The following MAF variants were observed in gnomAD, a reference collection of about 807,000 sequenced individuals.
MAF encodes the protein transcription factor Maf.
MAF carries 10 observed loss-of-function variants against 22.0 expected under a neutral mutation model. The ratio of observed to expected loss-of-function variants is 0.45; its 90% CI spans 0.28 to 0.77. MAF has a LOEUF of 0.77. Ranked by LOEUF, MAF falls within the 30% of genes least tolerant of loss-of-function variation. The probability of loss-of-function intolerance (pLI) is 0.12; values close to 1 mark genes in which losing one functional copy is unlikely to be tolerated. For missense variants in MAF, 544 were observed against 548.4 expected (o/e 0.99, Z 0.08); for synonymous variants, 337 against 255.8 (o/e 1.32, Z -3.03).
the MAF span, among the ~76,000 whole-genome samples, chr16:79,319,424 A>T: frequency 6.6e-6 from 1 of 152,240 alleles, no homozygotes; most frequent in African/African-American, 2.4e-5. Flanking sequence ...ATAAAGCAGA[A>T]GGTTGATAAA....
At chr16:79,418,637 A>G in the MAF span, among the ~76,000 whole-genome samples, 1 of 152,212 alleles carries the variant, frequency 6.6e-6, no homozygotes, top group African/African-American at 2.4e-5. Context: ...AGTTTTTCTT[A>G]TGCAACAGAA....
At chr16:79,443,135 G>C in the MAF span, among the ~76,000 whole-genome samples, 1 of 152,078 alleles carries the variant, frequency 6.6e-6, no homozygotes, top group East Asian at 1.9e-4. Context: ...CAGGCAGTCA[G>C]GGCTAAGAAG....
At chr16:79,428,244 G>A in the MAF span, among the ~76,000 whole-genome samples, 4 of 152,076 alleles carry the variant, frequency 2.6e-5, no homozygotes, top group Non-Finnish European at 5.9e-5. Context: ...GATGTAGGGG[G>A]GTTCCCAGTC....
At chr16:79,520,503 T>C in the MAF span, among the ~76,000 whole-genome samples, 2 of 152,064 alleles carry the variant, frequency 1.3e-5, no homozygotes, top group Admixed American at 6.6e-5. Context: ...GTGTGTGTGC[T>C]TGCATGCGTC....
At chr16:79,543,683 T>C in the MAF span, among the ~76,000 whole-genome samples, 110 of 150,254 alleles carry the variant, frequency 7.3e-4, no homozygotes, top group African/African-American at 2.4e-3. Context: ...TTTCTTTTTT[T>C]TTTTTTCTTT....
At chr16:79,513,611 A>C in the MAF span, among the ~76,000 whole-genome samples, 2 of 152,334 alleles carry the variant, frequency 1.3e-5, no homozygotes, top group African/African-American at 4.8e-5. Context: ...ACCTTTGACC[A>C]GTTGCGGAAT....
chr16:79,241,497 A>G, the MAF span, among the ~76,000 whole-genome samples: 58 of 152,216 alleles, frequency 3.8e-4, no homozygotes, highest in Admixed American at 9.8e-4. Context: ...TAGAGAAAAA[A>G]CAATGAAAAG....
At chr16:79,340,743 T>G in the MAF span, among the ~76,000 whole-genome samples, 1 of 152,018 alleles carries the variant, frequency 6.6e-6, no homozygotes, top group South Asian at 2.1e-4. Flanking sequence ...TAGATGCCAG[T>G]AGCCCATCAG....
downstream of MAF, among the ~76,000 whole-genome samples, chr16:79,590,868 G>A (rs1045287854): frequency 5.3e-5 from 8 of 152,078 alleles, no homozygotes; most frequent in Non-Finnish European, 8.8e-5. Flanking sequence ...CTATTGTCCT[G>A]GGATCCTCGG....
the MAF span, among the ~76,000 whole-genome samples, chr16:79,389,937 C>CTT: frequency 7.7e-6 from 1 of 130,430 alleles, no homozygotes; most frequent in Non-Finnish European, 1.5e-5. Context: ...GATCGTACCA[C>CTT]TGCACCTCCA....
Position 79,599,613 on chromosome 16 carries a change from T to C in MAF, c.290A>G (p.Tyr97Cys), listed in dbSNP as rs1323954068. Residue 97 changes from tyrosine to cysteine, a missense_variant, in exon 1 of 2, where the codon TAC (tyrosine) becomes TGC (cysteine). Tyr to Cys is a radical substitution (Grantham distance 194, BLOSUM62 -2). Coordinates refer to ENST00000326043, the MANE Select transcript of MAF (RefSeq NM_005360.5). ...HLEDYYWMTGYPQQLNPEALG... is the reference protein window; with the variant it reads ...HLEDYYWMTGCPQQLNPEALG... ...CGCCTCGGGGTTCAGCTGCTGCGGG[T>C]AGCCGGTCATCCAGTAGTAGTCTTC... 6.2e-7 allele frequency: 1 copy of C among 1,610,348 alleles called. No homozygotes were observed. Among genetic ancestry groups the C allele is most frequent in the African/African-American group, 1.3e-5 (1 of 74,846 alleles).
the MAF span, among the ~76,000 whole-genome samples, chr16:79,297,842 G>C: frequency 6.6e-6 from 1 of 152,142 alleles, no homozygotes; most frequent in Non-Finnish European, 1.5e-5. Flanking sequence ...CCATCTATAG[G>C]GTTGTTCTGT....
chr16:79,507,611 G>A, the MAF span, among the ~76,000 whole-genome samples: 3 of 151,642 alleles, frequency 2.0e-5, no homozygotes, highest in South Asian at 6.2e-4. Context: ...ATTTTTAGTA[G>A]AGATGGGGTT....
chr16:79,401,245 CA>C, the MAF span, among the ~76,000 whole-genome samples: 1 of 152,202 alleles, frequency 6.6e-6, no homozygotes, highest in Non-Finnish European at 1.5e-5. Context: ...TTTCACTCCC[CA>C]AACTACCTGT....
the MAF span, among the ~76,000 whole-genome samples, chr16:79,484,642 G>A: frequency 6.6e-6 from 1 of 152,196 alleles, no homozygotes; most frequent in Non-Finnish European, 1.5e-5. Flanking sequence ...GTCAGGTGGA[G>A]TTATGATACC....
chr16:79,502,401 C>G, the MAF span, among the ~76,000 whole-genome samples: 12 of 152,246 alleles, frequency 7.9e-5, no homozygotes, highest in East Asian at 2.3e-3. Flanking sequence ...CACAGTGGGT[C>G]ATGCGCCTAA....
the MAF span, among the ~76,000 whole-genome samples, chr16:79,256,337 C>G: frequency 6.6e-6 from 1 of 151,948 alleles, no homozygotes; most frequent in African/African-American, 2.4e-5. Context: ...AGGGATAAAT[C>G]GAGCAGGTAG....
chr16:79,269,574 C>G, the MAF span, among the ~76,000 whole-genome samples: 1 of 152,046 alleles, frequency 6.6e-6, no homozygotes, highest in African/African-American at 2.4e-5. Context: ...TTGAGGTTCC[C>G]CTTGCAGAAA....
chr16:79,278,949 G>A, the MAF span, among the ~76,000 whole-genome samples: 1 of 152,178 alleles, frequency 6.6e-6, no homozygotes, highest in Non-Finnish European at 1.5e-5. Context: ...TAGGCTGGAG[G>A]AGGAGGAATT....
Sources: allele counts gnomAD v4.1 joint callset (sites outside exome capture counted in the v4.1 genomes callset), GRCh38; gene constraint gnomAD v4.1.1; transcripts MANE v1.5; gene names NCBI Gene and HGNC (gene_info 2026-07-23, HGNC 2026-07-21).